The following GLI3 variants were observed in gnomAD, a reference collection of about 807,000 sequenced individuals.
GLI3 encodes the protein GLI family zinc finger 3, also known as transcription activator GLI3.
A neutral mutation model predicts 100.8 loss-of-function variants in GLI3; 20 were observed. That is an observed-to-expected ratio of 0.20 (90% CI 0.14 to 0.29). The LOEUF is 0.29. Ranked by LOEUF, GLI3 falls within the 10% of genes least tolerant of loss-of-function variation. The pLI is 1.00. For missense variants in GLI3, 2,040 were observed against 2,128.5 expected (o/e 0.96, Z 0.82); for synonymous variants, 938 against 860.5 (o/e 1.09, Z -1.58).
chr7:42,010,066 T>C (rs1276873177), intron 10 of GLI3, among the ~76,000 whole-genome samples: 1 of 152,262 alleles, frequency 6.6e-6, no homozygotes, highest in Non-Finnish European at 1.5e-5. Context: ...CTTTCTTAGA[T>C]AATCCATGAA....
At chr7:42,126,492 G>C (rs989845706) in intron 3 of GLI3, among the ~76,000 whole-genome samples, 1 of 152,158 alleles carries the variant, frequency 6.6e-6, no homozygotes, top group Non-Finnish European at 1.5e-5. Flanking sequence ...AGAAAAATCT[G>C]ATCAGAGAAC....
intron 1 of GLI3, among the ~76,000 whole-genome samples, chr7:42,259,462 CA>C (rs1789117860): frequency 6.6e-6 from 1 of 152,104 alleles, no homozygotes; most frequent in Admixed American, 6.5e-5. Flanking sequence ...ATCTGTAAAA[CA>C]AAAATGACAA....
chr7:41,966,134 C>T lies in GLI3; in HGVS notation c.2939G>A (p.Ser980Asn). 6.3e-7 allele frequency: 1 copy of T among 1,589,962 alleles called. No individual in the cohort carries two copies. Among genetic ancestry groups the T allele is most frequent in the East Asian group, 2.3e-5 (1 of 44,070 alleles). ...CCCGTAGCCGTGGGCTCCCCCGTCG[C>T]TGCACCTCCTCGGGGCATGAACTGG... ...LPPVHAPRRCSDGGAHGYGRR... is the reference protein window; with the variant it reads ...LPPVHAPRRCNDGGAHGYGRR... Residue 980 changes from serine (S) to asparagine (N), a missense_variant, in exon 15 of 15, where the codon AGC becomes AAC. Ser to Asn is a conservative substitution (Grantham distance 46). Transcript: ENST00000395925. The surrounding 1 kb of genome is among the most constrained non-coding windows in gnomAD (Gnocchi z 5.8).
At chr7:42,197,860 T>C (rs1787960388) in intron 2 of GLI3, among the ~76,000 whole-genome samples, 1 of 152,068 alleles carries the variant, frequency 6.6e-6, no homozygotes, top group Non-Finnish European at 1.5e-5. Context: ...TACATAACCT[T>C]CAGGAAGCCC....
At position 42,110,603 on chromosome 7, in the gene GLI3, C is replaced by A. The variant is rs548657035; in HGVS notation, c.368-33746G>T. Among the ~76,000 whole-genome samples, 4 of 152,344 alleles carry A rather than the reference C, an allele frequency of 2.6e-5. No homozygotes were observed. In the South Asian group the frequency reaches 8.3e-4, roughly 32 times the overall value. ...GGTCAAAAACACATGCCCTGCACAGCATCTACAAAACACAGGAAGCCAACA... is the reference window on the plus strand; with the variant it reads ...GGTCAAAAACACATGCCCTGCACAGAATCTACAAAACACAGGAAGCCAACA... On this transcript the variant is annotated intron_variant, in intron 3 of 14. Coordinates refer to ENST00000395925, the MANE Select transcript of GLI3 (RefSeq NM_000168.6).
chr7:41,964,917 A>G lies in GLI3; in HGVS notation c.4156T>C (p.Cys1386Arg). Reference protein sequence around the residue: ...SLAVVRGYQPCASFGGSRRQA... With the variant: ...SLAVVRGYQPRASFGGSRRQA... ...CGCCTGCTGCCCCCAAAGCTGGCAC[A>G]TGGCTGGTAGCCCCTGACAACTGCC... The change falls in exon 15 of 15, where the codon TGT becomes CGT. Residue 1386 changes from cysteine (C) to arginine (R), a missense_variant. Around this residue, in one of 5 missense-constraint regions of GLI3, gnomAD observed 1,041 missense variants for 924.0 expected, o/e 1.13. Coordinates refer to ENST00000395925, the MANE Select transcript of GLI3 (RefSeq NM_000168.6). 1 of 1,613,766 alleles carries G rather than the reference A, an allele frequency of 6.2e-7. No homozygotes were observed. Among genetic ancestry groups the G allele is most frequent in the Non-Finnish European group, 8.5e-7 (1 of 1,180,028 alleles).
intron 10 of GLI3, among the ~76,000 whole-genome samples, chr7:42,022,199 T>C (rs991494770): frequency 2.6e-5 from 4 of 152,172 alleles, no homozygotes; most frequent in Admixed American, 1.3e-4. Context: ...GGCGATGTCA[T>C]GTAAAATCCT....
chr7:42,003,716 G>T (rs1016579331), intron 10 of GLI3, among the ~76,000 whole-genome samples: 4 of 152,110 alleles, frequency 2.6e-5, no homozygotes, highest in Admixed American at 6.5e-5. Context: ...TCAAAAGGCT[G>T]TAGATCCAAA....
At chr7:42,113,885 G>A (rs902878055) in intron 3 of GLI3, among the ~76,000 whole-genome samples, 1 of 152,134 alleles carries the variant, frequency 6.6e-6, no homozygotes, top group African/African-American at 2.4e-5. Context: ...AGGAGGAGGG[G>A]GGACTCCCTG....
chr7:42,231,031 G>A (rs1788686642), intron 1 of GLI3, among the ~76,000 whole-genome samples: 1 of 152,166 alleles, frequency 6.6e-6, no homozygotes, highest in African/African-American at 2.4e-5. Flanking sequence ...GGAATTAAAA[G>A]TTTTCACACA....
intron 3 of GLI3, among the ~76,000 whole-genome samples, chr7:42,114,615 T>G (rs1030835585): frequency 5.3e-5 from 8 of 152,182 alleles, no homozygotes; most frequent in African/African-American, 1.9e-4. Context: ...ACTGGCTCCT[T>G]GCCAGTATAT....
At chr7:42,018,973 C>G (rs908213266) in intron 10 of GLI3, among the ~76,000 whole-genome samples, 3 of 152,130 alleles carry the variant, frequency 2.0e-5, no homozygotes, top group African/African-American at 7.2e-5. Flanking sequence ...GGTTATGCTG[C>G]TGGGGATTGG....
intron 10 of GLI3, among the ~76,000 whole-genome samples, chr7:41,980,716 G>A (rs1787640416): frequency 1.3e-5 from 2 of 152,268 alleles, no homozygotes; most frequent in South Asian, 4.1e-4. Flanking sequence ...TTGGGAAACT[G>A]AATTATAATT....
At chr7:42,223,099 C>T (rs373524215) in intron 2 of GLI3, 31 bp downstream of exon 2, 118 of 1,613,062 alleles carry the variant, frequency 7.3e-5, no homozygotes, top group Non-Finnish European at 9.8e-5. Context: ...TGACTCCAGG[C>T]TGGGCTGCTG....
intron 2 of GLI3, among the ~76,000 whole-genome samples, chr7:42,153,393 T>C (rs1359028537): frequency 6.6e-6 from 1 of 152,174 alleles, no homozygotes; most frequent in Non-Finnish European, 1.5e-5. Context: ...AAAATGCCTT[T>C]TATGTTCAAG....
intron 7 of GLI3, among the ~76,000 whole-genome samples, chr7:42,034,774 C>G (rs1789392865): frequency 6.6e-6 from 1 of 152,102 alleles, no homozygotes; most frequent in Non-Finnish European, 1.5e-5. Flanking sequence ...CAGCACTGAC[C>G]AGAACCCTTA....
At chr7:41,980,250 A>G (rs1471537047) in intron 10 of GLI3, among the ~76,000 whole-genome samples, 5 of 152,188 alleles carry the variant, frequency 3.3e-5, no homozygotes, top group Non-Finnish European at 1.5e-5. Flanking sequence ...TTCCTATGAA[A>G]AGCCAGCCAT....
At chr7:42,216,757 G>A (rs1465300607) in intron 2 of GLI3, among the ~76,000 whole-genome samples, 1 of 152,166 alleles carries the variant, frequency 6.6e-6, no homozygotes, top group Non-Finnish European at 1.5e-5. Flanking sequence ...AGAGACTGGG[G>A]ACATATTCAC....
At chr7:42,161,039 C>T (rs993977631) in intron 2 of GLI3, among the ~76,000 whole-genome samples, 3 of 152,204 alleles carry the variant, frequency 2.0e-5, no homozygotes, top group African/African-American at 4.8e-5. Context: ...TGGTTTTCTA[C>T]AGTGACTTGA....
Sources: gnomAD v4.1 joint callset for allele counts (sites outside exome capture counted in the v4.1 genomes callset) on GRCh38, gnomAD v4.1.1 for gene constraint, gnomAD v4.1.1 regional missense constraint, Gnocchi (gnomAD v3.1) non-coding constraint, MANE v1.5 for transcripts, NCBI Gene and HGNC (gene_info 2026-07-23, HGNC 2026-07-21) for gene names.